Variants in SNAPC4 observed in about 807,000 individuals in gnomAD.
The protein encoded by SNAPC4 is snRNA-activating protein complex subunit 4.
SNAPC4 carries 127 observed loss-of-function variants against 151.3 expected under a neutral mutation model. The ratio of observed to expected loss-of-function variants is 0.84; its 90% confidence interval spans 0.73 to 0.97. SNAPC4 has a LOEUF of 0.97. SNAPC4 is among the 50% of genes least tolerant of loss of function. The pLI, the probability that SNAPC4 is intolerant of heterozygous loss-of-function variation, is 0.00. For missense variants in SNAPC4, 2,186 were observed against 1,935.0 expected, an observed-to-expected ratio of 1.13 and a Z score of -2.43; for synonymous variants, 1,002 against 824.4, an observed-to-expected ratio of 1.22 and a Z score of -3.69.
intron 2 of SNAPC4, among the ~76,000 whole-genome samples, chr9:136,397,606 T>A (rs1396213867): frequency 1.0e-5 from 1 of 95,716 alleles, no homozygotes; most frequent in African/African-American, 4.1e-5. Flanking sequence ...GGGGAGCACA[T>A]GGGGAGGGGA....
intron 14 of SNAPC4, 92 bp downstream of exon 14, chr9:136,384,628 G>A (rs570401826): frequency 5.9e-6 from 4 of 675,738 alleles, no homozygotes; most frequent in African/African-American, 5.6e-5. Flanking sequence ...CAGCCTGGAC[G>A]ACAGAGCTTG....
intron 21 of SNAPC4, 55 bp from the exon 22 acceptor site, chr9:136,379,354 A>G: frequency 5.0e-6 from 8 of 1,602,940 alleles, no homozygotes; most frequent in South Asian, 3.4e-5. Flanking sequence ...GCCCAGGGAC[A>G]GCCCCTCGCT....
intron 13 of SNAPC4, among the ~76,000 whole-genome samples, chr9:136,386,277 G>A (rs934453595): frequency 2.6e-5 from 4 of 151,986 alleles, no homozygotes; most frequent in Admixed American, 6.6e-5. Flanking sequence ...TTGGAGAGAC[G>A]GCCACTCAAG....
Position 136,386,838 on chromosome 9 carries a change from C to T in SNAPC4, c.1325+647G>A, listed in dbSNP as rs1485765065. ...CGTGATCTCAGCTTACTGCAACATC[C>T]ACCTCCCAGGCTCAAGCGATTCTCC... On this transcript the variant is annotated intron_variant, in intron 13 of 23. Coordinates refer to ENST00000684778, the MANE Select transcript of SNAPC4 (RefSeq NM_003086.4). Among the ~76,000 whole-genome samples the T allele has an allele frequency of 4.6e-5, 7 of 152,192 alleles. No individual in the cohort carries two copies. The South Asian group carries it at 1.2e-3, about 27-fold the overall frequency.
At position 136,387,668 on chromosome 9, in the gene SNAPC4, G is replaced by A. The variant is rs1833935014; in HGVS notation, c.1230+74C>T. ...GAACCCAGTCAGAGAAGGGACCACTGGGGCACAGCAGCCGCTGAACACAGC... is the reference window on the plus strand; with the variant it reads ...GAACCCAGTCAGAGAAGGGACCACTAGGGCACAGCAGCCGCTGAACACAGC... On this transcript the variant is annotated intron_variant, in intron 12 of 23. Transcript: ENST00000684778. 6.6e-6 allele frequency: 9 copies of A among 1,369,380 alleles called. No individual in the cohort carries two copies. The Admixed American group carries it at 6.7e-5, about 10-fold the overall frequency. 84.8% of individuals were successfully genotyped at this position (1,369,380 alleles called of 1,614,324 possible).
chr9:136,377,832 A>G lies in SNAPC4; in HGVS notation c.3995T>C (p.Val1332Ala). The change falls in exon 22 of 24, where the codon GTG becomes GCG. Residue 1332 changes from valine to alanine, a missense_variant. Coordinates refer to ENST00000684778, the MANE Select transcript of SNAPC4 (RefSeq NM_003086.4). ...CGGCCGCTCAGCCTCGCCCCCCACC[A>G]CCAGGGAGGTGGCCTTGTGCTCCAG... The part of the protein sequence containing the change: ...KALEHKATSL[V>A]VGGEAERPAG... 6.2e-7 allele frequency: 1 copy of G among 1,611,430 alleles called. No homozygotes were observed. Among genetic ancestry groups the G allele is most frequent in the Non-Finnish European group, 8.5e-7 (1 of 1,179,756 alleles).
In SNAPC4 at chr9:136,381,829, G is replaced by A. The variant is rs776727633; in HGVS notation, c.2312C>T (p.Thr771Ile). The A allele has an allele frequency of 3.7e-6, 6 of 1,611,896 alleles. No individual in the cohort carries two copies. The highest frequency in any genetic ancestry group is 5.1e-6 in the Non-Finnish European group (6 of 1,179,668). ...QASQRPAVVQ[T>I]QADGLREQLQ... ...AGAGGAGCCCCAGGCCATACCTTGA[G>A]TCTGCACTACGGCGGGTCTCTGGGA... Residue 771 changes from threonine (T) to isoleucine (I), a missense_variant, in exon 18 of 24, where the codon ACT (threonine) becomes ATT (isoleucine). Coordinates refer to ENST00000684778, the MANE Select transcript of SNAPC4 (RefSeq NM_003086.4).
Position 136,378,945 on chromosome 9 carries a change from G to T in SNAPC4, c.2882C>A (p.Ala961Asp). The part of the protein sequence containing the change: ...PLSGPGAPAA[A>D]KPGTSGSWQE... ...CCAGGAGCCAGAAGTGCCAGGTTTG[G>T]CTGCCGCGGGGGCCCCAGGCCCAGA... Residue 961 changes from alanine (A) to aspartate (D), a missense_variant, in exon 22 of 24, where the codon GCC becomes GAC. Ala to Asp is a moderately radical substitution (Grantham distance 126). Coordinates refer to ENST00000684778, the MANE Select transcript of SNAPC4 (RefSeq NM_003086.4). 6.2e-7 allele frequency: 1 copy of T among 1,610,152 alleles called. No individual in the cohort carries two copies.
At position 136,378,476 on chromosome 9, in the gene SNAPC4, A is replaced by T. The variant is rs773660769; in HGVS notation, c.3351T>A (p.Thr1117=). 2 of 1,589,964 alleles carry T rather than the reference A, an allele frequency of 1.3e-6. No homozygotes were observed. The highest frequency in any genetic ancestry group is 3.4e-5 in the Admixed American group (2 of 58,584). ...TGGGGCCCTGGGCCGCCCGAGTCTC[A>T]GTCAGGGGAGGCAGCAGAGTGGCCA... ...GLLATLLPPL[T]ETRAAQGPRA... The change falls in exon 22 of 24, where the codon ACT becomes ACA. Residue 1117 remains threonine (T), a synonymous_variant. Coordinates refer to ENST00000684778, the MANE Select transcript of SNAPC4 (RefSeq NM_003086.4).
At position 136,392,046 on chromosome 9, in the gene SNAPC4, T is replaced by C. The variant is rs1351527692; in HGVS notation, c.871A>G (p.Ser291Gly). The C allele has an allele frequency of 6.2e-7, 1 of 1,612,670 alleles. No homozygotes were observed. The highest frequency in any genetic ancestry group is 8.5e-7 in the Non-Finnish European group (1 of 1,179,978). The part of the protein sequence containing the change: ...RKFWQNSEHP[S>G]INKQEWSREE... ...CTGCTCCACTCCTGCTTGTTGATGC[T>C]GGGGTGCTCCGAGTTCTGCCAGAAC... is the stretch of plus-strand genomic sequence containing the variant. The change falls in exon 10 of 24, where the codon AGC becomes GGC. Residue 291 changes from serine to glycine, a missense_variant. Physicochemically the swap from Ser to Gly is moderately conservative, Grantham distance 56. Coordinates refer to ENST00000684778, the MANE Select transcript of SNAPC4 (RefSeq NM_003086.4).
chr9:136,377,811 C>A lies in SNAPC4; in HGVS notation c.4016G>T (p.Arg1339Leu). The change falls in exon 22 of 24, where the codon CGG (arginine) becomes CTG (leucine). Residue 1339 changes from arginine (R) to leucine (L), a missense_variant. Physicochemically the swap from Arg to Leu is moderately radical, Grantham distance 102. Coordinates refer to ENST00000684778, the MANE Select transcript of SNAPC4 (RefSeq NM_003086.4). ...TSLVVGGEAE[R>L]PAGALQASLG... ...TGAGGCTTGCAGTGCTCCGGCCGGC[C>A]GCTCAGCCTCGCCCCCCACCACCAG... The A allele has an allele frequency of 6.2e-7, 1 of 1,611,534 alleles. No individual in the cohort carries two copies. Among genetic ancestry groups the A allele is most frequent in the Non-Finnish European group, 8.5e-7 (1 of 1,179,740 alleles).
rs1314793141 is a variant in SNAPC4, at chr9:136,383,291, A to G, written c.1878T>C (p.Ser626=). 21 of 1,611,766 alleles carry G rather than the reference A, an allele frequency of 1.3e-5. No homozygotes were observed. Among genetic ancestry groups the G allele is most frequent in the Non-Finnish European group, 1.7e-5 (20 of 1,179,666 alleles). Residue 626 remains serine, a synonymous_variant, in exon 16 of 24, where the codon AGT becomes AGC. Transcript: ENST00000684778. This position sits in a 1 kb window ranked among gnomAD's most constrained non-coding sequence, Gnocchi z 4.2. ...TTAAAPGEET[S]PVQVPARAHG... ...GGGCCCTGGCAGGGACCTGCACCGG[A>G]CTCGTCTCCTCTCCAGGAGCCGCGG...
intron 5 of SNAPC4, 142 bp downstream of exon 5, chr9:136,395,156 C>A: frequency 1.8e-6 from 2 of 1,089,724 alleles, no homozygotes; most frequent in Non-Finnish European, 2.6e-6. Flanking sequence ...TTGCCCACCA[C>A]GGAGGAGGCA....
intron 14 of SNAPC4, 151 bp from the exon 15 acceptor site, chr9:136,384,183 C>A: frequency 1.6e-6 from 1 of 631,754 alleles, no homozygotes; most frequent in African/African-American, 1.9e-5. Flanking sequence ...TGGGTGCCTA[C>A]AATTTGGCAG....
rs1833558782 is a variant in SNAPC4 at position 136,378,560 on chromosome 9, AG to A, written c.3266del (p.Pro1089LeufsTer6). 6.3e-7 allele frequency: 1 copy of A among 1,591,938 alleles called. No individual in the cohort carries two copies. The highest frequency in any genetic ancestry group is 8.5e-7 in the Non-Finnish European group (1 of 1,173,010). ...VLTAQGLLPV[P>X]VPAVVSLPRP... ...TGGGAAGGCTCACCACAGCTGGTAC[AG>A]GAACAGGGAGAAGCCCCTGGGCTGT... On this transcript the variant is annotated frameshift_variant, in exon 22 of 24. Coordinates refer to ENST00000684778, the MANE Select transcript of SNAPC4 (RefSeq NM_003086.4). LOFTEE classifies it high-confidence loss of function.
At chr9:136,382,159 C>G in intron 17 of SNAPC4, 86 bp from the exon 18 acceptor site, 1 of 1,574,314 alleles carries the variant, frequency 6.4e-7, no homozygotes, top group Non-Finnish European at 8.6e-7. Context: ...CTGCCCTCCA[C>G]CCCCATCAGG....
chr9:136,379,687 C>T, intron 21 of SNAPC4, 150 bp downstream of exon 21: 2 of 776,442 alleles, frequency 2.6e-6, no homozygotes, highest in Non-Finnish European at 4.4e-6. Context: ...GACTCTCATC[C>T]CTGTGGTGGG....
intron 21 of SNAPC4, 123 bp from the exon 22 acceptor site, chr9:136,379,422 G>T: frequency 6.9e-7 from 1 of 1,454,486 alleles, no homozygotes; most frequent in Non-Finnish European, 9.2e-7. Flanking sequence ...GCCAAGAGAG[G>T]GTCAAGCGGC....
In SNAPC4 at chr9:136,383,440, G is replaced by C. The variant is rs1450169893; in HGVS notation, c.1729C>G (p.Gln577Glu). 3.2e-6 allele frequency: 5 copies of C among 1,562,778 alleles called. No homozygotes were observed. The Admixed American group carries it at 9.6e-5, about 30-fold the overall frequency. ...PDMDLWVPARQSTSQPWRGGA... is the reference protein window; with the variant it reads ...PDMDLWVPARESTSQPWRGGA... ...CCTCTCCATGGCTGGCTGGTGCTCT[G>C]CCTGGCAGGAACCCACAGGTCCATG... The change falls in exon 16 of 24, where the codon CAG becomes GAG. Residue 577 changes from glutamine (Q) to glutamate (E), a missense_variant. Transcript: ENST00000684778. This position sits in a 1 kb window ranked among gnomAD's most constrained non-coding sequence, Gnocchi z 4.2.
Sources: allele counts gnomAD v4.1 joint callset (sites outside exome capture counted in the v4.1 genomes callset), GRCh38; gene constraint gnomAD v4.1.1; non-coding constraint Gnocchi (gnomAD v3.1); transcripts MANE v1.5; gene names NCBI Gene and HGNC (gene_info 2026-07-23, HGNC 2026-07-21).